The following CDON variants were observed in gnomAD, a reference collection of about 807,000 sequenced individuals.
CDON encodes cell adhesion associated, oncogene regulated, also known as cell adhesion molecule-related/down-regulated by oncogenes.
Under a neutral mutation model 120.9 loss-of-function variants are expected in CDON, and 73 were observed. That is an observed-to-expected ratio of 0.60 (90% CI 0.50 to 0.73). CDON has a LOEUF of 0.73. Among genes scored for constraint, CDON ranks in the 30% least tolerant of loss-of-function variants. The probability of loss-of-function intolerance (pLI) is 0.00; values close to 1 mark genes in which losing one functional copy is unlikely to be tolerated. For missense variants in CDON, 1,470 were observed against 1,587.3 expected, an observed-to-expected ratio of 0.93 and a Z score of 1.26; for synonymous variants, 566 against 573.5, an observed-to-expected ratio of 0.99 and a Z score of 0.19.
intron 10 of CDON, among the ~76,000 whole-genome samples, chr11:126,002,587 A>T (rs772065588): frequency 2.0e-5 from 3 of 152,058 alleles, no homozygotes; most frequent in Non-Finnish European, 2.9e-5. Context: ...CATCTTTTTT[A>T]TCAAGCCTTC....
rs756707042 is a variant in CDON at position 125,997,222 on chromosome 11, G to T, written c.2347C>A (p.Arg783Ser). ...ATATTACTACCTGGTTCTAAACTAC[G>T]AACTTCCACTGAAAGTTTGGAAGGA... is the stretch of plus-strand genomic sequence containing the variant. The part of the protein sequence containing the change: ...IPPSKLSVEV[R>S]SLEPGSTYKF... The change falls in exon 12 of 20, where the codon CGT becomes AGT. Residue 783 changes from arginine to serine, a missense_variant. Arg to Ser is a moderately radical substitution (Grantham distance 110). Transcript: ENST00000531738. The T allele has an allele frequency of 1.2e-6, 2 of 1,612,076 alleles. No homozygotes were observed. The highest frequency in any genetic ancestry group is 2.2e-5 in the South Asian group (2 of 91,020).
rs1227068494 is a variant in CDON at position 126,023,400 on chromosome 11, C to A, written c.76+1G>T. 1.3e-6 allele frequency: 2 copies of A among 1,598,438 alleles called. No homozygotes were observed. Among genetic ancestry groups the A allele is most frequent in the Admixed American group, 1.7e-5 (1 of 59,974 alleles). ...CACCCCCTCCCCAATTCTACTCTTA[C>A]CTGAACTCACAGAAGAGCACAGAAT... On this transcript the variant is annotated splice_donor_variant, in intron 2 of 19. Transcript: ENST00000531738. LOFTEE classifies it high-confidence loss of function.
chr11:125,971,530 T>C (rs1370374148), intron 18 of CDON, among the ~76,000 whole-genome samples: 2 of 152,212 alleles, frequency 1.3e-5, no homozygotes, highest in African/African-American at 4.8e-5. Flanking sequence ...ACACAGACTT[T>C]TAAGGTTGTC....
In CDON at chr11:126,004,262, C is replaced by T. The variant is rs1947051792; in HGVS notation, c.1852-186G>A. 13 of 665,010 alleles carry T rather than the reference C, an allele frequency of 2.0e-5. 1 individual carries two copies. The highest frequency in any genetic ancestry group is 1.2e-4 in the Admixed American group (5 of 42,844). The allele number at this position is 665,010 out of a possible 1,614,324, so 41.2% of individuals were successfully genotyped here. On this transcript the variant is annotated intron_variant, in intron 9 of 19. Coordinates refer to ENST00000531738, the MANE Select transcript of CDON (RefSeq NM_001378964.1). The stretch of plus-strand genomic sequence containing the variant: ...AGAAATAGAAGATCTGCTGCAAGAA[C>T]GCTGCAATTCTCACTGTAGAAAGAC...
chr11:126,027,840 A>G (rs1947834116), intron 1 of CDON, among the ~76,000 whole-genome samples: 1 of 152,196 alleles, frequency 6.6e-6, no homozygotes, highest in South Asian at 2.1e-4. Context: ...TGGGCACATT[A>G]CTTGCCAAAC....
intron 1 of CDON, among the ~76,000 whole-genome samples, chr11:126,028,385 A>G (rs1180305382): frequency 6.7e-6 from 1 of 148,744 alleles, no homozygotes; most frequent in Non-Finnish European, 1.5e-5. Flanking sequence ...TTTTTTTTTG[A>G]GATGGAATCT....
chr11:125,974,403 AGG>A lies in CDON; in HGVS notation c.3356+3899_3356+3900del, dbSNP rs1402052003. On this transcript the variant is annotated intron_variant, in intron 18 of 19. Coordinates refer to ENST00000531738, the MANE Select transcript of CDON (RefSeq NM_001378964.1). ...AAGGAAGGAAGGAAGGGAGGGAGGG[AGG>A]GAGGGAGGGAGGGAGGGAGGGAGGG... Among the ~76,000 whole-genome samples the A allele has an allele frequency of 2.8e-3, 6 of 2,134 alleles. No individual in the cohort carries two copies. The Admixed American group carries it at 0.034, about 12-fold the overall frequency. The allele number at this position is 2,134 out of a possible 152,430, so 1.4% of individuals were successfully genotyped here.
chr11:125,996,578 T>C (rs1484483020), intron 12 of CDON, among the ~76,000 whole-genome samples: 2 of 151,198 alleles, frequency 1.3e-5, no homozygotes, highest in African/African-American at 4.9e-5. Flanking sequence ...CAGGCACCTG[T>C]AATCCCAGCT....
rs1217796277 is a variant in CDON, at chr11:125,997,620, A to G, written c.2159-210T>C. Among the ~76,000 whole-genome samples the G allele has an allele frequency of 3.2e-4, 48 of 152,250 alleles. 1 individual carries two copies. The highest frequency in any genetic ancestry group is 5.9e-5 in the Non-Finnish European group (4 of 68,048). On this transcript the variant is annotated intron_variant, in intron 11 of 19. Transcript: ENST00000531738. ...ATAAAGAGAAAGTAAAATGATCTAT[A>G]AATTTGATAATTAGCTCTGAAAAAC...
intron 1 of CDON, among the ~76,000 whole-genome samples, chr11:126,056,806 G>A (rs2134957360): frequency 6.6e-6 from 1 of 152,310 alleles, no homozygotes; most frequent in East Asian, 1.9e-4. Flanking sequence ...GCTTGGTCCT[G>A]TTCCTCAAAA....
chr11:126,019,013 G>T (rs1019090548), intron 4 of CDON, among the ~76,000 whole-genome samples: 2 of 152,166 alleles, frequency 1.3e-5, no homozygotes, highest in Admixed American at 6.5e-5. Context: ...GCATGTTAAC[G>T]GTAGTGAATC....
intron 18 of CDON, among the ~76,000 whole-genome samples, chr11:125,974,812 CCT>C (rs1946108847): frequency 6.6e-6 from 1 of 152,158 alleles, no homozygotes; most frequent in Admixed American, 6.5e-5. Flanking sequence ...AAATTTATCA[CCT>C]TTTTATGATG....
At chr11:126,041,719 G>A (rs567159252) in intron 1 of CDON, among the ~76,000 whole-genome samples, 2 of 152,108 alleles carry the variant, frequency 1.3e-5, no homozygotes, top group Admixed American at 6.5e-5. Context: ...AATCTATCCC[G>A]CCTCTTGCCA....
At position 125,994,963 on chromosome 11, in the gene CDON, A is replaced by G. The variant is rs148568229; in HGVS notation, c.2452T>C (p.Phe818Leu). 1 of 1,613,882 alleles carries G rather than the reference A, an allele frequency of 6.2e-7. No homozygotes were observed. The highest frequency in any genetic ancestry group is 1.3e-5 in the African/African-American group (1 of 75,050). Residue 818 changes from phenylalanine (F) to leucine (L), a missense_variant, in exon 13 of 20, where the codon TTC (phenylalanine) becomes CTC (leucine). By Grantham distance (22) the Phe-to-Leu change is conservative. Coordinates refer to ENST00000531738, the MANE Select transcript of CDON (RefSeq NM_001378964.1). ...GGACGGCTGGAAAAGCGATTGGGGAACCCAACCACTTGATAAGGACGAGAT... is the reference window on the plus strand; with the variant it reads ...GGACGGCTGGAAAAGCGATTGGGGAGCCCAACCACTTGATAAGGACGAGAT... The part of the protein sequence containing the change: ...SASRPYQVVG[F>L]PNRFSSRPIT...
At chr11:126,028,284 G>T (rs1045435443) in intron 1 of CDON, among the ~76,000 whole-genome samples, 3 of 151,944 alleles carry the variant, frequency 2.0e-5, no homozygotes, top group Non-Finnish European at 4.4e-5. Flanking sequence ...TATATGTGGT[G>T]TACGGTATTT....
chr11:126,051,010 G>A (rs547633270), intron 1 of CDON, among the ~76,000 whole-genome samples: 1 of 151,942 alleles, frequency 6.6e-6, no homozygotes, highest in Non-Finnish European at 1.5e-5. Flanking sequence ...TCGCCTACTC[G>A]ATGTAAATTT....
At chr11:125,966,114 G>A (rs1356833014) in intron 18 of CDON, among the ~76,000 whole-genome samples, 1 of 148,982 alleles carries the variant, frequency 6.7e-6, no homozygotes, top group Non-Finnish European at 1.5e-5. Flanking sequence ...GCCAGCCTGG[G>A]CAAGAAGCGC....
At chr11:126,000,097 T>C (rs1448963362) in intron 11 of CDON, among the ~76,000 whole-genome samples, 1 of 152,224 alleles carries the variant, frequency 6.6e-6, no homozygotes, top group Non-Finnish European at 1.5e-5. Context: ...CGTGAACCCA[T>C]AACACCAAGG....
At chr11:125,986,670 C>A (rs530334093) in intron 15 of CDON, among the ~76,000 whole-genome samples, 2 of 151,432 alleles carry the variant, frequency 1.3e-5, no homozygotes, top group Non-Finnish European at 2.9e-5. Flanking sequence ...GAGGCTGAGG[C>A]AGGAGAATAA....
Sources: allele counts gnomAD v4.1 joint callset (sites outside exome capture counted in the v4.1 genomes callset), GRCh38; gene constraint gnomAD v4.1.1; transcripts MANE v1.5; gene names NCBI Gene and HGNC (gene_info 2026-07-23, HGNC 2026-07-21).